The following STAB2 variants were observed in gnomAD, a reference collection of about 807,000 sequenced individuals.
STAB2 encodes stabilin 2.
Under a neutral mutation model 338.1 loss-of-function variants are expected in STAB2, and 288 were observed. That is an observed-to-expected ratio of 0.85 (90% CI 0.77 to 0.94). The LOEUF (loss-of-function observed/expected upper bound fraction) is 0.94, where lower values mean the gene tolerates loss of function less well. Among genes scored for constraint, STAB2 ranks in the 40% least tolerant of loss-of-function variants. The pLI is 0.00. For missense variants in STAB2, 3,141 were observed against 3,210.1 expected, an observed-to-expected ratio of 0.98 and a Z score of 0.52; for synonymous variants, 1,202 against 1,193.3, an observed-to-expected ratio of 1.01 and a Z score of -0.15.
At chr12:103,677,710 A>G in intron 25 of STAB2, 99 bp downstream of exon 25, 1 of 1,425,222 alleles carries the variant, frequency 7.0e-7, no homozygotes, top group South Asian at 1.6e-5. Flanking sequence ...AACTTACTGC[A>G]GCTTTTTTCA....
chr12:103,680,067 C>T (rs1453930640), intron 25 of STAB2, among the ~76,000 whole-genome samples: 1 of 152,118 alleles, frequency 6.6e-6, no homozygotes, highest in Non-Finnish European at 1.5e-5. Flanking sequence ...TCTGAGGTTC[C>T]TAGAATAGTC....
intron 5 of STAB2, among the ~76,000 whole-genome samples, chr12:103,629,700 C>A (rs553808379): frequency 5.3e-5 from 8 of 152,338 alleles, no homozygotes; most frequent in African/African-American, 1.9e-4. Flanking sequence ...ATGGTCTTCC[C>A]TGGGCCAACC....
chr12:103,734,069 A>G (rs1035404993), intron 51 of STAB2, among the ~76,000 whole-genome samples: 5 of 151,430 alleles, frequency 3.3e-5, no homozygotes, highest in Non-Finnish European at 7.4e-5. Context: ...ATCATATGGG[A>G]GCAAGCATGA....
chr12:103,629,421 G>A (rs1688756298), intron 5 of STAB2, among the ~76,000 whole-genome samples: 1 of 152,184 alleles, frequency 6.6e-6, no homozygotes, highest in Admixed American at 6.5e-5. Context: ...GACTTGGTTT[G>A]ACCATTGGTG....
At chr12:103,741,434 G>C (rs1319810298) in intron 55 of STAB2, among the ~76,000 whole-genome samples, 2 of 152,082 alleles carry the variant, frequency 1.3e-5, no homozygotes, top group Admixed American at 1.3e-4. Context: ...TAGGGAGTAG[G>C]TTCCATTGTT....
At chr12:103,605,229 A>T (rs1240576066) in intron 3 of STAB2, among the ~76,000 whole-genome samples, 1 of 151,924 alleles carries the variant, frequency 6.6e-6, no homozygotes, top group Non-Finnish European at 1.5e-5. Flanking sequence ...TGTGAGGTTA[A>T]GCTAATACCA....
chr12:103,745,216 G>C lies in STAB2; in HGVS notation c.6075G>C (p.Thr2025=). ...ACGGACAGTGCGATGATGGCATCAC[G>C]GGCTCCGGGCAGTGCCTCTGTGAAA... ...SDHGQCDDGI[T]GSGQCLCETG... The change falls in exon 57 of 69, where the codon ACG becomes ACC. Residue 2025 remains threonine, a synonymous_variant. Coordinates refer to ENST00000388887, the MANE Select transcript of STAB2 (RefSeq NM_017564.10). 1 of 1,613,962 alleles carries C rather than the reference G, an allele frequency of 6.2e-7. No individual in the cohort carries two copies. The highest frequency in any genetic ancestry group is 8.5e-7 in the Non-Finnish European group (1 of 1,179,976).
rs1402449439 is a variant in STAB2 at position 103,660,332 on chromosome 12, G to T, written c.1736G>T (p.Gly579Val). 5 of 1,614,098 alleles carry T rather than the reference G, an allele frequency of 3.1e-6. No homozygotes were observed. Among genetic ancestry groups the T allele is most frequent in the Non-Finnish European group, 4.2e-6 (5 of 1,180,010 alleles). Residue 579 changes from glycine to valine, a missense_variant and splice_region_variant, in exon 16 of 69, where the codon GGA becomes GTA. Gly to Val is a moderately radical substitution (Grantham distance 109). Coordinates refer to ENST00000388887, the MANE Select transcript of STAB2 (RefSeq NM_017564.10). ...GTLDYLLSPE[G>V]SRKLLELVRY... ...AAGAAGTATTTGGTTCCTTTGCAGG[G>T]ATCTCGGAAGCTTCTGGAACTCGTC...
At chr12:103,666,423 C>T in intron 19 of STAB2, 70 bp downstream of exon 19, 2 of 1,494,972 alleles carry the variant, frequency 1.3e-6, no homozygotes, top group African/African-American at 1.4e-5. Context: ...CTCAACCTAT[C>T]TACCTTCCTT....
intron 9 of STAB2, among the ~76,000 whole-genome samples, chr12:103,640,505 A>G (rs1872845417): frequency 6.6e-6 from 1 of 152,236 alleles, no homozygotes; most frequent in Non-Finnish European, 1.5e-5. Context: ...ATAACTTGAT[A>G]TGAAGTGGTC....
intron 2 of STAB2, among the ~76,000 whole-genome samples, chr12:103,591,909 G>A (rs1463220076): frequency 6.6e-6 from 1 of 152,116 alleles, no homozygotes; most frequent in Non-Finnish European, 1.5e-5. Context: ...AAATTAGATA[G>A]TACTCAATGA....
intron 3 of STAB2, among the ~76,000 whole-genome samples, chr12:103,595,336 C>G (rs1387388989): frequency 2.0e-5 from 3 of 151,752 alleles, no homozygotes; most frequent in Non-Finnish European, 4.4e-5. Context: ...GAGATTGGTT[C>G]TCTTTTGCTT....
At chr12:103,594,354 T>G (rs750873770) in intron 2 of STAB2, 41 bp from the exon 3 acceptor site, 1 of 1,482,554 alleles carries the variant, frequency 6.7e-7, no homozygotes, top group Non-Finnish European at 9.4e-7. Flanking sequence ...GTAACTGCAT[T>G]GCTCTTATCG....
Position 103,638,175 on chromosome 12 carries a change from CAA to C in STAB2, c.871_872del (p.Lys291ValfsTer7). 1 of 1,614,210 alleles carries C rather than the reference CAA, an allele frequency of 6.2e-7. No individual in the cohort carries two copies. Among genetic ancestry groups the C allele is most frequent in the Non-Finnish European group, 8.5e-7 (1 of 1,180,028 alleles). ...CAAATTAACTTTGGAAACTGCCCTACAAAGTCTACAGTGTGCAAATATGATGG... is the reference window on the plus strand; with the variant it reads ...CAAATTAACTTTGGAAACTGCCCTACAGTCTACAGTGTGCAAATATGATGG... On this transcript the variant is annotated frameshift_variant, in exon 8 of 69. Coordinates refer to ENST00000388887, the MANE Select transcript of STAB2 (RefSeq NM_017564.10). LOFTEE classifies it high-confidence loss of function.
In STAB2 at chr12:103,753,296, C is replaced by T. The variant is rs1478834187; in HGVS notation, c.6657C>T (p.Ala2219=). Residue 2219 remains alanine (A), a synonymous_variant, in exon 61 of 69, where the codon GCC becomes GCT. Transcript: ENST00000388887. ...TGACCTTTGACAAAGCCAGAGAGGCCTGTGCCAACGAAGCTGCGACCATGG... is the reference window on the plus strand; with the variant it reads ...TGACCTTTGACAAAGCCAGAGAGGCTTGTGCCAACGAAGCTGCGACCATGG... The part of the protein sequence containing the change: ...YKLTFDKARE[A]CANEAATMAT... The T allele has an allele frequency of 1.9e-6, 3 of 1,614,248 alleles. No homozygotes were observed. The highest frequency in any genetic ancestry group is 2.5e-6 in the Non-Finnish European group (3 of 1,180,048).
At chr12:103,719,923 A>G (rs1880624894) in intron 44 of STAB2, among the ~76,000 whole-genome samples, 1 of 152,058 alleles carries the variant, frequency 6.6e-6, no homozygotes, top group Non-Finnish European at 1.5e-5. Flanking sequence ...CCCAATCCCA[A>G]CACCTTGCTT....
At chr12:103,661,217 C>CAAA (rs10548393) in intron 17 of STAB2, among the ~76,000 whole-genome samples, 61 of 106,048 alleles carry the variant, frequency 5.8e-4, no homozygotes, top group African/African-American at 1.8e-3. Flanking sequence ...GAGTTCCAGA[C>CAAA]AAAAAAAAAA....
At chr12:103,597,510 GA>G (rs1231856845) in intron 3 of STAB2, among the ~76,000 whole-genome samples, 1 of 151,958 alleles carries the variant, frequency 6.6e-6, no homozygotes, top group South Asian at 2.1e-4. Flanking sequence ...GAAGCGCAAT[GA>G]AAAAAATTAC....
chr12:103,626,706 T>C (rs1357374648), intron 5 of STAB2, among the ~76,000 whole-genome samples: 4 of 152,204 alleles, frequency 2.6e-5, no homozygotes, highest in African/African-American at 7.2e-5. Context: ...TGTTGTGTCA[T>C]CCAATGAGAT....
Sources: allele counts gnomAD v4.1 joint callset (sites outside exome capture counted in the v4.1 genomes callset), GRCh38; gene constraint gnomAD v4.1.1; transcripts MANE v1.5; gene names NCBI Gene and HGNC (gene_info 2026-07-23, HGNC 2026-07-21).